Variants in PRKAA2 observed in about 807,000 individuals in gnomAD.
The protein encoded by PRKAA2 is protein kinase AMP-activated catalytic subunit alpha 2, also known as 5'-AMP-activated protein kinase catalytic subunit alpha-2.
Under a neutral mutation model 56.3 loss-of-function variants are expected in PRKAA2, and 40 were observed. That is an observed-to-expected ratio of 0.71 (90% CI 0.55 to 0.92). The LOEUF is 0.92. PRKAA2 is among the 40% of genes least tolerant of loss of function. The pLI is 0.00. For synonymous variants in PRKAA2, 214 were observed against 234.2 expected, an observed-to-expected ratio of 0.91 and a Z score of 0.79; for missense variants, 542 against 686.9, an observed-to-expected ratio of 0.79 and a Z score of 2.36.
chr1:56,711,054 A>C lies in PRKAA2; in HGVS notation c.*3341A>C, dbSNP rs1245389774. 6.6e-6 allele frequency: 1 copy of C among 152,106 alleles called. No individual in the cohort carries two copies. Among genetic ancestry groups the C allele is most frequent in the Non-Finnish European group, 1.5e-5 (1 of 67,972 alleles). The allele number at this position is 152,106 out of a possible 1,614,324, so 9.4% of individuals were successfully genotyped here. ...TTAACCTGTTAAGAGACACTTTTGT[A>C]ATCTCTAGTGTTTACATTCCTTTAT... On this transcript the variant is annotated 3_prime_UTR_variant, in exon 9 of 9. Transcript: ENST00000371244.
intron 1 of PRKAA2, among the ~76,000 whole-genome samples, chr1:56,667,268 C>A (rs1052640394): frequency 6.6e-6 from 1 of 151,950 alleles, no homozygotes; most frequent in East Asian, 1.9e-4. Flanking sequence ...TTTTCCCCCA[C>A]CTCTTAAACT....
chr1:56,652,041 T>C (rs1420707863), intron 1 of PRKAA2, among the ~76,000 whole-genome samples: 2 of 132,528 alleles, frequency 1.5e-5, no homozygotes, highest in African/African-American at 5.9e-5. Flanking sequence ...GGAGACAGAA[T>C]CTTGCTCTGT....
intron 1 of PRKAA2, among the ~76,000 whole-genome samples, chr1:56,657,307 A>T (rs1643952201): frequency 2.0e-5 from 3 of 152,006 alleles, no homozygotes; most frequent in African/African-American, 7.2e-5. Context: ...ATGGAATGGA[A>T]TTTTTTTTTA....
intron 1 of PRKAA2, among the ~76,000 whole-genome samples, 165 bp downstream of exon 1, chr1:56,645,646 C>T (rs1194625644): frequency 6.6e-6 from 1 of 151,834 alleles, no homozygotes; most frequent in Admixed American, 6.6e-5. Flanking sequence ...CGCACCGCCT[C>T]GCCTGGCACC....
chr1:56,670,396 T>G (rs184798845), intron 1 of PRKAA2, among the ~76,000 whole-genome samples: 1 of 152,342 alleles, frequency 6.6e-6, no homozygotes, highest in Middle Eastern at 3.4e-3. Flanking sequence ...TGCTCTCCCC[T>G]TCTTAAGTCT....
At position 56,712,520 on chromosome 1, in the gene PRKAA2, T is replaced by C. The variant is rs1644375317; in HGVS notation, c.*4807T>C. The C allele has an allele frequency of 6.6e-6, 1 of 152,212 alleles. No individual in the cohort carries two copies. The highest frequency in any genetic ancestry group is 2.1e-4 in the South Asian group (1 of 4,836). The allele number at this position is 152,212 out of a possible 1,614,324, so 9.4% of individuals were successfully genotyped here. A position where few individuals can be genotyped will look rare whatever the true frequency, so the allele number is the denominator to read the frequency against. On this transcript the variant is annotated 3_prime_UTR_variant, in exon 9 of 9. Transcript: ENST00000371244. ...AAACTTTAAAACATGATTCTTCTTATAATTTTATGTGATTCTTATAGCACA... is the reference window on the plus strand; with the variant it reads ...AAACTTTAAAACATGATTCTTCTTACAATTTTATGTGATTCTTATAGCACA...
intron 1 of PRKAA2, among the ~76,000 whole-genome samples, chr1:56,661,270 A>G (rs1472708971): frequency 6.6e-6 from 1 of 152,186 alleles, no homozygotes; most frequent in Non-Finnish European, 1.5e-5. Flanking sequence ...AAATTTTCAC[A>G]AACTGAACAC....
rs1644364270 is a variant in PRKAA2 at position 56,710,743 on chromosome 1, T to G, written c.*3030T>G. The G allele has an allele frequency of 6.6e-6, 1 of 152,136 alleles. No individual in the cohort carries two copies. Among genetic ancestry groups the G allele is most frequent in the Non-Finnish European group, 1.5e-5 (1 of 67,994 alleles). 9.4% of individuals were successfully genotyped at this position (152,136 alleles called of 1,614,324 possible). A position where few individuals can be genotyped will look rare whatever the true frequency, so the allele number is the denominator to read the frequency against. Reference sequence around the variant, plus strand: ...CTTGTATTATTATTTGAGTGCAACATTATTCTTATGCATGGGTGACTGAAA... The same window carrying G: ...CTTGTATTATTATTTGAGTGCAACAGTATTCTTATGCATGGGTGACTGAAA... On this transcript the variant is annotated 3_prime_UTR_variant, in exon 9 of 9. Transcript: ENST00000371244.
At chr1:56,693,967 CATTT>C (rs1343204357) in intron 5 of PRKAA2, 115 bp downstream of exon 5, 1 of 683,240 alleles carries the variant, frequency 1.5e-6, no homozygotes, top group African/African-American at 1.8e-5. Context: ...ATGGATTATT[CATTT>C]ATTTTTCCAC....
At position 56,712,251 on chromosome 1, in the gene PRKAA2, C is replaced by T. The variant is rs1028348672; in HGVS notation, c.*4538C>T. 4 of 152,154 alleles carry T rather than the reference C, an allele frequency of 2.6e-5. No homozygotes were observed. Among genetic ancestry groups the T allele is most frequent in the Non-Finnish European group, 5.9e-5 (4 of 68,036 alleles). 9.4% of individuals were successfully genotyped at this position (152,154 alleles called of 1,614,324 possible). ...TCAATTGCTCTTTATAGGAAACCAC[C>T]TTTCCTCTGGGGAAGAACAGTCTGA... On this transcript the variant is annotated 3_prime_UTR_variant, in exon 9 of 9. Coordinates refer to ENST00000371244, the MANE Select transcript of PRKAA2 (RefSeq NM_006252.4).
intron 1 of PRKAA2, among the ~76,000 whole-genome samples, chr1:56,645,778 T>C (rs951855406): frequency 6.6e-6 from 1 of 152,132 alleles, no homozygotes; most frequent in Non-Finnish European, 1.5e-5. Flanking sequence ...CACTTCTGTG[T>C]TCTCTGGACC....
At chr1:56,664,978 A>G (rs1045472829) in intron 1 of PRKAA2, among the ~76,000 whole-genome samples, 3 of 151,670 alleles carry the variant, frequency 2.0e-5, no homozygotes, top group Non-Finnish European at 1.5e-5. Context: ...CCTGTTTTCT[A>G]TTGATATCAT....
At chr1:56,654,852 C>G (rs903822825) in intron 1 of PRKAA2, among the ~76,000 whole-genome samples, 3 of 151,866 alleles carry the variant, frequency 2.0e-5, no homozygotes, top group African/African-American at 7.3e-5. Flanking sequence ...TGGGTGGTAC[C>G]TTTGTTTTTA....
chr1:56,697,659 A>G (rs74224430), intron 6 of PRKAA2, among the ~76,000 whole-genome samples: 8,535 of 152,244 alleles, frequency 0.056, 401 homozygotes, highest in African/African-American at 0.12. Context: ...TCATATCAGC[A>G]TATACATTTA....
At chr1:56,688,566 T>C (rs770933769) in intron 2 of PRKAA2, among the ~76,000 whole-genome samples, 5 of 152,142 alleles carry the variant, frequency 3.3e-5, no homozygotes, top group African/African-American at 4.8e-5. Context: ...ACTCAGGTCA[T>C]AGTATAGGAT....
At chr1:56,683,460 A>G (rs1043701467) in intron 2 of PRKAA2, among the ~76,000 whole-genome samples, 1 of 152,128 alleles carries the variant, frequency 6.6e-6, no homozygotes. Context: ...TGCACAGAGT[A>G]TGTATAGGGA....
In PRKAA2 at chr1:56,714,301, T is replaced by G. The variant is rs975697115; in HGVS notation, c.*6588T>G. 3 of 152,132 alleles carry G rather than the reference T, an allele frequency of 2.0e-5. No homozygotes were observed. The highest frequency in any genetic ancestry group is 4.4e-5 in the Non-Finnish European group (3 of 68,002). The allele number at this position is 152,132 out of a possible 1,614,324, so 9.4% of individuals were successfully genotyped here. On this transcript the variant is annotated 3_prime_UTR_variant, in exon 9 of 9. Transcript: ENST00000371244. ...AGCAAGTCACGTAACCTCATTTAGT[T>G]TTTTGATTTACAAAATGTGGATAAT...
chr1:56,662,976 A>G (rs536997073), intron 1 of PRKAA2, among the ~76,000 whole-genome samples: 31 of 152,304 alleles, frequency 2.0e-4, no homozygotes, highest in African/African-American at 5.5e-4. Context: ...AAAACACTCT[A>G]ATAATCAGAT....
At chr1:56,694,053 G>A (rs1362773181) in intron 5 of PRKAA2, among the ~76,000 whole-genome samples, 6 of 152,020 alleles carry the variant, frequency 3.9e-5, no homozygotes, top group East Asian at 3.9e-4. Flanking sequence ...ATATACTTAC[G>A]AAGTTTTCCC....
Sources: gnomAD v4.1 joint callset for allele counts (sites outside exome capture counted in the v4.1 genomes callset) on GRCh38, gnomAD v4.1.1 for gene constraint, MANE v1.5 for transcripts, NCBI Gene and HGNC (gene_info 2026-07-23, HGNC 2026-07-21) for gene names.